Variants in CDH4 observed in about 807,000 individuals in gnomAD.
The protein encoded by CDH4 is cadherin-4.
CDH4 carries 33 observed loss-of-function variants against 86.0 expected under a neutral mutation model. The ratio of observed to expected loss-of-function variants is 0.38; its 90% CI spans 0.29 to 0.51. The LOEUF (loss-of-function observed/expected upper bound fraction) is 0.51. CDH4 is among the 20% of genes least tolerant of loss of function. The pLI, the probability that CDH4 is intolerant of heterozygous loss-of-function variation, is 0.86. For missense variants in CDH4, 1,114 were observed against 1,307.4 expected (o/e 0.85, Z 2.28); for synonymous variants, 555 against 549.4 (o/e 1.01, Z -0.14).
At chr20:61,791,065 G>C (rs978321615) in intron 4 of CDH4, among the ~76,000 whole-genome samples, 2 of 142,088 alleles carry the variant, frequency 1.4e-5, no homozygotes, top group African/African-American at 2.4e-5. Flanking sequence ...TCCAGCTACT[G>C]TTTCAAAACG....
At chr20:61,464,818 G>A (rs2085463972) in intron 2 of CDH4, among the ~76,000 whole-genome samples, 2 of 152,296 alleles carry the variant, frequency 1.3e-5, no homozygotes, top group Non-Finnish European at 2.9e-5. Context: ...GACAGGGCTC[G>A]CCATCCACTG....
At chr20:61,547,875 C>T (rs56256855) in intron 2 of CDH4, among the ~76,000 whole-genome samples, 1 of 152,218 alleles carries the variant, frequency 6.6e-6, no homozygotes, top group Non-Finnish European at 1.5e-5. Context: ...GCTGGCAGAG[C>T]GACTGTATCC....
chr20:61,901,042 G>A (rs917038228), intron 8 of CDH4, among the ~76,000 whole-genome samples: 4 of 152,242 alleles, frequency 2.6e-5, no homozygotes, highest in Non-Finnish European at 5.9e-5. Context: ...GCCTGAAGTT[G>A]TGCTCCAATC....
intron 4 of CDH4, among the ~76,000 whole-genome samples, chr20:61,816,899 T>C (rs1469015880): frequency 6.6e-6 from 1 of 152,206 alleles, no homozygotes; most frequent in Non-Finnish European, 1.5e-5. Flanking sequence ...GTTTGTTCCC[T>C]GTGTGTGCCA....
chr20:61,389,702 A>T (rs886745433), intron 2 of CDH4, among the ~76,000 whole-genome samples: 1 of 150,574 alleles, frequency 6.6e-6, no homozygotes, highest in Non-Finnish European at 1.5e-5. Context: ...GGGGGTGAGA[A>T]CAATTGGCAC....
chr20:61,646,963 G>T (rs185025527), intron 2 of CDH4, among the ~76,000 whole-genome samples: 3 of 152,232 alleles, frequency 2.0e-5, no homozygotes, highest in African/African-American at 7.2e-5. Flanking sequence ...GGAAGACTGG[G>T]AAAGTGAAGG....
chr20:61,502,811 T>C (rs73150258), intron 2 of CDH4, among the ~76,000 whole-genome samples: 2 of 152,344 alleles, frequency 1.3e-5, no homozygotes, highest in Non-Finnish European at 2.9e-5. Flanking sequence ...TACTCTGTAC[T>C]GGGGCTCCTG....
At chr20:61,466,970 T>C (rs2085475793) in intron 2 of CDH4, among the ~76,000 whole-genome samples, 1 of 152,268 alleles carries the variant, frequency 6.6e-6, no homozygotes, top group Non-Finnish European at 1.5e-5. Context: ...CTAAAATTAC[T>C]ATCTTGGCCT....
intron 2 of CDH4, among the ~76,000 whole-genome samples, chr20:61,322,920 C>T (rs2084516478): frequency 6.6e-6 from 1 of 152,112 alleles, no homozygotes; most frequent in Non-Finnish European, 1.5e-5. Context: ...CCTTTTATGT[C>T]CCAGGCTGTC....
At chr20:61,274,498 T>C (rs1359177886) in intron 2 of CDH4, among the ~76,000 whole-genome samples, 3 of 135,714 alleles carry the variant, frequency 2.2e-5, no homozygotes, top group Non-Finnish European at 4.6e-5. Context: ...CGTGTGCAGT[T>C]TGGGGGAGTA....
rs141294445 is a variant in CDH4, at chr20:61,649,238, A to C, written c.170-94325A>C. ...GGCGAAGACCCCACAGGGCCCCCCG[A>C]GCACGCACGCTCACCTTTTGCATCA... On this transcript the variant is annotated intron_variant, in intron 2 of 15. Coordinates refer to ENST00000614565, the MANE Select transcript of CDH4 (RefSeq NM_001794.5). 9.9e-3 allele frequency among the ~76,000 whole-genome samples: 1,503 copies of C among 152,228 alleles called. 18 individuals are homozygous for C. Among genetic ancestry groups the C allele is most frequent in the Admixed American group, 0.014 (210 of 15,292 alleles).
chr20:61,500,298 C>T lies in CDH4; in HGVS notation c.170-243265C>T, dbSNP rs181759857. Among the ~76,000 whole-genome samples, 340 of 152,352 alleles carry T rather than the reference C, an allele frequency of 2.2e-3. 8 individuals carry two copies. The highest frequency in any genetic ancestry group is 0.02 in the Admixed American group (312 of 15,304). ...TAAAGGATGGGCACCAAGGCAGCCA[C>T]GTGCACAATGATCACCAATTATAAA... On this transcript the variant is annotated intron_variant, in intron 2 of 15. Coordinates refer to ENST00000614565, the MANE Select transcript of CDH4 (RefSeq NM_001794.5).
intron 2 of CDH4, among the ~76,000 whole-genome samples, chr20:61,399,694 C>G (rs73314693): frequency 5.3e-5 from 8 of 152,178 alleles, no homozygotes; most frequent in African/African-American, 1.9e-4. Flanking sequence ...CCATCCATCA[C>G]CCACGAAGCA....
At chr20:61,290,847 T>C (rs1293047207) in intron 2 of CDH4, among the ~76,000 whole-genome samples, 1 of 152,144 alleles carries the variant, frequency 6.6e-6, no homozygotes, top group Non-Finnish European at 1.5e-5. Context: ...CCAATAAAAG[T>C]GGGCCATATT....
intron 2 of CDH4, among the ~76,000 whole-genome samples, chr20:61,699,787 T>A (rs56188772): frequency 3.7e-5 from 5 of 136,586 alleles, no homozygotes; most frequent in Admixed American, 6.9e-5. Context: ...CTTTCACCGC[T>A]GACCCGGGGC....
chr20:61,718,673 A>G (rs775950466), intron 2 of CDH4: 12 of 392,774 alleles, frequency 3.1e-5, no homozygotes, highest in Non-Finnish European at 6.4e-5. Context: ...AACCGAAGCC[A>G]GAGGAGCCTG....
At chr20:61,380,395 A>C (rs2084893212) in intron 2 of CDH4, among the ~76,000 whole-genome samples, 1 of 152,172 alleles carries the variant, frequency 6.6e-6, no homozygotes, top group Admixed American at 6.5e-5. Flanking sequence ...CCATGGCCTG[A>C]TAGAGTTGTG....
chr20:61,258,164 C>A (rs866117358), intron 2 of CDH4, among the ~76,000 whole-genome samples: 169 of 151,742 alleles, frequency 1.1e-3, no homozygotes, highest in Middle Eastern at 3.4e-3. Flanking sequence ...CCCGTCTCTA[C>A]TAAAAATACA....
intron 2 of CDH4, among the ~76,000 whole-genome samples, chr20:61,296,539 A>G (rs1325952974): frequency 1.3e-5 from 2 of 151,804 alleles, no homozygotes; most frequent in African/African-American, 2.4e-5. Context: ...CTCCCTCCCC[A>G]CAGAAACGTC....
Sources: gnomAD v4.1 joint callset for allele counts (sites outside exome capture counted in the v4.1 genomes callset) on GRCh38, gnomAD v4.1.1 for gene constraint, MANE v1.5 for transcripts, NCBI Gene and HGNC (gene_info 2026-07-23, HGNC 2026-07-21) for gene names.